The following ANGPT2 variants were observed in gnomAD, a reference collection of about 807,000 sequenced individuals.
ANGPT2 encodes the protein angiopoietin-2.
In ANGPT2, 28 loss-of-function variants were observed where a neutral mutation model predicts 62.9. The observed-to-expected ratio is 0.44, with a 90% CI of 0.33 to 0.61. ANGPT2 has a LOEUF of 0.61. Among genes scored for constraint, ANGPT2 ranks in the 20% least tolerant of loss-of-function variants. The pLI is 0.03. For synonymous variants in ANGPT2, 284 were observed against 207.8 expected (o/e 1.37, Z -3.15); for missense variants, 727 against 594.9 (o/e 1.22, Z -2.31).
intron 1 of ANGPT2, among the ~76,000 whole-genome samples, chr8:6,533,865 G>A (rs767514545): frequency 1.8e-4 from 28 of 152,284 alleles, no homozygotes; most frequent in Non-Finnish European, 4.0e-4. Context: ...GTCTTTAAGA[G>A]TAGGAAAATA....
At chr8:6,545,574 G>T (rs963726716) in intron 1 of ANGPT2, among the ~76,000 whole-genome samples, 8 of 152,136 alleles carry the variant, frequency 5.3e-5, no homozygotes, top group Non-Finnish European at 1.2e-4. Context: ...ATCTGATGAG[G>T]GTTAAAATGT....
In ANGPT2 at chr8:6,513,847, G is replaced by A; in HGVS notation, c.1030-3C>T. 1 of 1,597,546 alleles carries A rather than the reference G, an allele frequency of 6.3e-7. No individual in the cohort carries two copies. The highest frequency in any genetic ancestry group is 8.5e-7 in the Non-Finnish European group (1 of 1,173,938). The stretch of plus-strand genomic sequence containing the variant: ...TCTCCTGAAGGGTTACCAAATCCCT[G>A]TAATGCAAGTTGTTAAATTCAATTA... On this transcript the variant is annotated splice_polypyrimidine_tract_variant and splice_region_variant and intron_variant, in intron 6 of 8. Coordinates refer to ENST00000629816, the MANE Select transcript of ANGPT2 (RefSeq NM_001118887.2).
intron 1 of ANGPT2, among the ~76,000 whole-genome samples, chr8:6,561,993 G>A (rs1244837585): frequency 6.6e-6 from 1 of 152,134 alleles, no homozygotes; most frequent in Non-Finnish European, 1.5e-5. Flanking sequence ...GAACTGACGG[G>A]GGCTGCAGTG....
intron 2 of ANGPT2, among the ~76,000 whole-genome samples, chr8:6,529,700 A>G (rs1426863335): frequency 6.7e-6 from 1 of 150,062 alleles, no homozygotes; most frequent in Non-Finnish European, 1.5e-5. Flanking sequence ...CCTGATCTCA[A>G]GCGATCCACC....
intron 1 of ANGPT2, among the ~76,000 whole-genome samples, chr8:6,533,358 G>A (rs994929269): frequency 1.3e-5 from 2 of 152,204 alleles, no homozygotes; most frequent in Admixed American, 6.5e-5. Flanking sequence ...AACTGAGTAC[G>A]TGGGAAGAGC....
intron 1 of ANGPT2, among the ~76,000 whole-genome samples, chr8:6,556,432 C>T (rs151203616): frequency 2.0e-3 from 300 of 152,098 alleles, no homozygotes; most frequent in African/African-American, 6.8e-3. Flanking sequence ...CGTGTAGTGA[C>T]CAAGGACTTA....
chr8:6,507,355 C>T (rs1813954527), intron 8 of ANGPT2, among the ~76,000 whole-genome samples: 1 of 152,128 alleles, frequency 6.6e-6, no homozygotes, highest in Non-Finnish European at 1.5e-5. Context: ...TTTATGTTCT[C>T]TAGAAATTAA....
At chr8:6,532,619 T>TC (rs3214789) in intron 1 of ANGPT2, 132 bp from the exon 2 acceptor site, 231,001 of 655,058 alleles carry the variant, frequency 0.35, 45,462 homozygotes, top group African/African-American at 0.4. Flanking sequence ...TACCTTGCCT[T>TC]CCTTTTGGAA....
At chr8:6,531,026 C>T (rs1225996294) in intron 2 of ANGPT2, among the ~76,000 whole-genome samples, 3 of 152,022 alleles carry the variant, frequency 2.0e-5, no homozygotes, top group Admixed American at 6.6e-5. Flanking sequence ...CCTTATAGCC[C>T]AGAGTAGGAA....
intron 7 of ANGPT2, among the ~76,000 whole-genome samples, chr8:6,512,720 C>G (rs1330880658): frequency 6.6e-6 from 1 of 152,226 alleles, no homozygotes; most frequent in East Asian, 1.9e-4. Flanking sequence ...TGTTCTCTCT[C>G]TCTACTCTCA....
chr8:6,541,901 A>AGGT (rs1821645851), intron 1 of ANGPT2, among the ~76,000 whole-genome samples: 1 of 151,740 alleles, frequency 6.6e-6, no homozygotes, highest in Non-Finnish European at 1.5e-5. Context: ...CTAGCTACTC[A>AGGT]GGAGGCTAAG....
At chr8:6,556,324 T>G (rs1824599179) in intron 1 of ANGPT2, among the ~76,000 whole-genome samples, 1 of 152,230 alleles carries the variant, frequency 6.6e-6, no homozygotes, top group South Asian at 2.1e-4. Context: ...TCTTTGTATA[T>G]TCTCCATTTT....
Position 6,513,715 on chromosome 8 carries a change from C to T in ANGPT2, c.1159G>A (p.Glu387Lys). Residue 387 changes from glutamate (E) to lysine (K), a missense_variant, in exon 7 of 9, where the codon GAA (glutamate) becomes AAA (lysine). Coordinates refer to ENST00000629816, the MANE Select transcript of ANGPT2 (RefSeq NM_001118887.2). The stretch of plus-strand genomic sequence containing the variant: ...TCTTCACTTGAGAGATAGAAATGTT[C>T]ATACAATGAGTAAGCCTCATTCCCT... Reference protein sequence around the residue: ...WEGNEAYSLYEHFYLSSEELN... With the variant: ...WEGNEAYSLYKHFYLSSEELN... The T allele has an allele frequency of 3.7e-6, 6 of 1,613,460 alleles. No homozygotes were observed. Among genetic ancestry groups the T allele is most frequent in the Non-Finnish European group, 5.1e-6 (6 of 1,179,780 alleles).
chr8:6,536,192 T>C (rs894207875), intron 1 of ANGPT2, among the ~76,000 whole-genome samples: 1 of 152,168 alleles, frequency 6.6e-6, no homozygotes, highest in African/African-American at 2.4e-5. Context: ...ATACTGTATA[T>C]TTAGCCCCAG....
At chr8:6,508,663 T>G (rs1349786823) in intron 8 of ANGPT2, 2 of 589,682 alleles carry the variant, frequency 3.4e-6, no homozygotes, top group African/African-American at 3.7e-5. Flanking sequence ...GAGAGCTTGC[T>G]AAGAATCAAA....
chr8:6,561,116 A>G (rs1267216422), intron 1 of ANGPT2, among the ~76,000 whole-genome samples: 2 of 152,242 alleles, frequency 1.3e-5, no homozygotes, highest in African/African-American at 4.8e-5. Flanking sequence ...ACATATTTCA[A>G]CCTGTGTTGC....
intron 8 of ANGPT2, among the ~76,000 whole-genome samples, chr8:6,506,028 CAT>C (rs1381703403): frequency 7.2e-5 from 9 of 124,372 alleles, no homozygotes; most frequent in Admixed American, 6.3e-4. Context: ...TATATAAAAA[CAT>C]ATATATATTC....
intron 7 of ANGPT2, among the ~76,000 whole-genome samples, chr8:6,509,359 A>T (rs1317243599): frequency 1.3e-5 from 2 of 152,230 alleles, no homozygotes; most frequent in African/African-American, 4.8e-5. Context: ...AGATAAACAG[A>T]AGAGAAAGAA....
intron 1 of ANGPT2, among the ~76,000 whole-genome samples, chr8:6,548,343 A>T (rs1407194115): frequency 6.6e-6 from 1 of 152,178 alleles, no homozygotes; most frequent in Non-Finnish European, 1.5e-5. Context: ...TGCCACTTAG[A>T]TGCCTTTCAT....
Sources: allele counts gnomAD v4.1 joint callset (sites outside exome capture counted in the v4.1 genomes callset), GRCh38; gene constraint gnomAD v4.1.1; transcripts MANE v1.5; gene names NCBI Gene and HGNC (gene_info 2026-07-23, HGNC 2026-07-21).